The following GALNT2 variants were observed in gnomAD, a reference collection of about 807,000 sequenced individuals.
The protein encoded by GALNT2 is polypeptide N-acetylgalactosaminyltransferase 2.
GALNT2 carries 31 observed loss-of-function variants against 81.4 expected under a neutral mutation model. The observed-to-expected ratio is 0.38, with a 90% CI of 0.29 to 0.51. The LOEUF (loss-of-function observed/expected upper bound fraction) is 0.51, where lower values mean the gene tolerates loss of function less well. GALNT2 is among the 20% of genes least tolerant of loss of function. GALNT2 has a pLI of 0.87. For missense variants in GALNT2, 629 were observed against 765.7 expected, an observed-to-expected ratio of 0.82 and a Z score of 2.11; for synonymous variants, 303 against 287.4, an observed-to-expected ratio of 1.05 and a Z score of -0.55.
chr1:230,274,603 C>A, intron 15 of GALNT2, 39 bp downstream of exon 15: 1 of 1,611,772 alleles, frequency 6.2e-7, no homozygotes, highest in African/African-American at 1.3e-5. Context: ...CGTGATTAAC[C>A]CAGACCAGGG....
intron 1 of GALNT2, among the ~76,000 whole-genome samples, chr1:230,060,585 T>C (rs1299197751): frequency 6.6e-6 from 1 of 152,006 alleles, no homozygotes; most frequent in Non-Finnish European, 1.5e-5. Flanking sequence ...GAAATGTCTG[T>C]TGAAAGACAT....
At chr1:230,061,690 A>T (rs72758256) in intron 1 of GALNT2, among the ~76,000 whole-genome samples, 2,668 of 152,212 alleles carry the variant, frequency 0.018, 32 homozygotes, top group South Asian at 0.047. Flanking sequence ...AGAAGCATCA[A>T]TTCTTCTCCT....
At chr1:230,105,360 G>C (rs1660512075) in intron 1 of GALNT2, among the ~76,000 whole-genome samples, 1 of 152,186 alleles carries the variant, frequency 6.6e-6, no homozygotes, top group Non-Finnish European at 1.5e-5. Flanking sequence ...GCCCACTGGG[G>C]GCTCTTGTCG....
At chr1:230,200,066 T>C (rs2760536) in intron 2 of GALNT2, among the ~76,000 whole-genome samples, 14 of 112,882 alleles carry the variant, frequency 1.2e-4, no homozygotes, top group Middle Eastern at 4.5e-3. Flanking sequence ...TTTTTTCTTT[T>C]TTTTTTTTTT....
intron 1 of GALNT2, among the ~76,000 whole-genome samples, chr1:230,145,091 C>T (rs977403272): frequency 6.6e-6 from 1 of 152,058 alleles, no homozygotes; most frequent in Non-Finnish European, 1.5e-5. Context: ...TCTGCTGCAG[C>T]ATCTGCAGGC....
chr1:230,206,600 A>G (rs1664065193), intron 3 of GALNT2, among the ~76,000 whole-genome samples: 1 of 152,202 alleles, frequency 6.6e-6, no homozygotes, highest in African/African-American at 2.4e-5. Flanking sequence ...CAATATATCT[A>G]ATGGGGAGCT....
rs749440793 is a variant in GALNT2 at position 230,178,242 on chromosome 1, A to G, written c.151A>G (p.Ile51Val). 13 of 1,614,060 alleles carry G rather than the reference A, an allele frequency of 8.1e-6. No individual in the cohort carries two copies. The highest frequency in any genetic ancestry group is 7.6e-6 in the Non-Finnish European group (9 of 1,179,914). The change falls in exon 2 of 16, where the codon ATT (isoleucine) becomes GTT (valine). Residue 51 changes from isoleucine to valine, a missense_variant. This residue lies in a region of GALNT2 where 360 missense variants were observed against 492.8 expected (regional missense o/e 0.73). Coordinates refer to ENST00000366672, the MANE Select transcript of GALNT2 (RefSeq NM_004481.5). ...GGAGGACTGGAATGAAATTGACCCC[A>G]TTAAAAAGAAAGACCTTCATCACAG... ...RKEDWNEIDP[I>V]KKKDLHHSNG...
At chr1:230,151,584 T>C (rs919703164) in intron 1 of GALNT2, among the ~76,000 whole-genome samples, 1 of 152,184 alleles carries the variant, frequency 6.6e-6, no homozygotes, top group Non-Finnish European at 1.5e-5. Flanking sequence ...TGCCTTCTTC[T>C]GTAGGATCTC....
At chr1:230,244,813 G>A (rs373057681) in intron 7 of GALNT2, among the ~76,000 whole-genome samples, 1 of 152,186 alleles carries the variant, frequency 6.6e-6, no homozygotes, top group South Asian at 2.1e-4. Flanking sequence ...ACTTTTCCCT[G>A]TAGATTTGCA....
chr1:230,197,726 A>G (rs1020094561), intron 2 of GALNT2, among the ~76,000 whole-genome samples: 1 of 152,062 alleles, frequency 6.6e-6, no homozygotes, highest in South Asian at 2.1e-4. Context: ...AGCCAGGCTC[A>G]CCCTCATGCT....
rs565636936 is a variant in GALNT2, at chr1:230,251,012, T to C, written c.1009+452T>C. 5.9e-5 allele frequency among the ~76,000 whole-genome samples: 9 copies of C among 152,352 alleles called. No homozygotes were observed. In the East Asian group the frequency reaches 1.7e-3, roughly 29 times the overall value. On this transcript the variant is annotated intron_variant, in intron 10 of 15. Transcript: ENST00000366672. Reference sequence around the variant, plus strand: ...GGCACTTAATCCCTTCTCGACTACCTTTGCGAATGGTTCTCATTTGTTTTT... The same window carrying C: ...GGCACTTAATCCCTTCTCGACTACCCTTGCGAATGGTTCTCATTTGTTTTT...
chr1:230,146,549 A>G (rs1418565977), intron 1 of GALNT2, among the ~76,000 whole-genome samples: 1 of 152,120 alleles, frequency 6.6e-6, no homozygotes, highest in Non-Finnish European at 1.5e-5. Context: ...TTCATTTACA[A>G]CTCAGCCACC....
intron 3 of GALNT2, among the ~76,000 whole-genome samples, chr1:230,208,070 A>G (rs1337968191): frequency 2.6e-5 from 4 of 152,236 alleles, no homozygotes; most frequent in African/African-American, 9.6e-5. Flanking sequence ...ATTTAAAAAA[A>G]TAATCTTCTT....
intron 1 of GALNT2, among the ~76,000 whole-genome samples, chr1:230,107,610 T>TGTGTGTGTGTG (rs1660578332): frequency 4.2e-4 from 60 of 141,208 alleles, no homozygotes; most frequent in Non-Finnish European, 6.8e-4. Flanking sequence ...CTCATGGACT[T>TGTGTGTGTGTG]TGTGTGTGTG....
chr1:230,089,724 T>C (rs1660004985), intron 1 of GALNT2, among the ~76,000 whole-genome samples: 1 of 152,230 alleles, frequency 6.6e-6, no homozygotes, highest in African/African-American at 2.4e-5. Flanking sequence ...GGTTTATCCA[T>C]GTAGCATGTG....
chr1:230,280,071 A>G lies in GALNT2; in HGVS notation c.*613A>G. The stretch of plus-strand genomic sequence containing the variant: ...TGGGACACTAAATATAAAGCTATAT[A>G]GAGAAAGAATGTACGGTCAGTTCCC... On this transcript the variant is annotated 3_prime_UTR_variant, in exon 16 of 16. Transcript: ENST00000366672. 2.2e-6 allele frequency: 1 copy of G among 451,430 alleles called. No individual in the cohort carries two copies. Among genetic ancestry groups the G allele is most frequent in the South Asian group, 1.6e-5 (1 of 64,362 alleles). The allele number at this position is 451,430 out of a possible 1,614,324, so 28.0% of individuals were successfully genotyped here.
At chr1:230,176,185 A>G (rs906245296) in intron 1 of GALNT2, among the ~76,000 whole-genome samples, 2 of 152,080 alleles carry the variant, frequency 1.3e-5, no homozygotes, top group Admixed American at 6.6e-5. Flanking sequence ...CTCACCCTGC[A>G]CTAGTTTTAT....
At chr1:230,242,118 T>C (rs1665220106) in intron 6 of GALNT2, among the ~76,000 whole-genome samples, 1 of 152,192 alleles carries the variant, frequency 6.6e-6, no homozygotes, top group South Asian at 2.1e-4. Context: ...TACATTGCAG[T>C]GGATTGGAGC....
At chr1:230,064,432 A>C (rs1414041116), upstream of GALNT2, among the ~76,000 whole-genome samples, 1 of 152,170 alleles carries the variant, frequency 6.6e-6, no homozygotes, top group African/African-American at 2.4e-5. Flanking sequence ...GGCCCATGTG[A>C]GTCACGTTCT....
Sources: gnomAD v4.1 joint callset for allele counts (sites outside exome capture counted in the v4.1 genomes callset) on GRCh38, gnomAD v4.1.1 for gene constraint, gnomAD v4.1.1 regional missense constraint, MANE v1.5 for transcripts, NCBI Gene and HGNC (gene_info 2026-07-23, HGNC 2026-07-21) for gene names.